Variants in TNR observed in about 807,000 individuals in gnomAD.
TNR encodes the protein tenascin-R.
A neutral mutation model predicts 150.4 loss-of-function variants in TNR; 45 were observed. The ratio of observed to expected loss-of-function variants is 0.30; its 90% CI spans 0.24 to 0.38. TNR has a LOEUF of 0.38. Ranked by LOEUF, TNR falls within the 10% of genes least tolerant of loss-of-function variation. The pLI, the probability that TNR is intolerant of heterozygous loss-of-function variation, is 1.00. For synonymous variants in TNR, 687 were observed against 678.4 expected (o/e 1.01, Z -0.20); for missense variants, 1,544 against 1,759.1 (o/e 0.88, Z 2.19).
intron 1 of TNR, among the ~76,000 whole-genome samples, chr1:175,680,732 G>A (rs903509598): frequency 1.3e-5 from 2 of 152,218 alleles, no homozygotes; most frequent in Non-Finnish European, 2.9e-5. Flanking sequence ...ATGACAGTGA[G>A]TTATAAAGGG....
At chr1:175,444,599 A>G (rs896947027) in intron 2 of TNR, among the ~76,000 whole-genome samples, 4 of 152,244 alleles carry the variant, frequency 2.6e-5, no homozygotes, top group Non-Finnish European at 5.9e-5. Context: ...TCATTCATTC[A>G]AGATGGCAAG....
chr1:175,591,362 G>A lies in TNR; in HGVS notation c.-164-62993C>T, dbSNP rs550400419. The stretch of plus-strand genomic sequence containing the variant: ...GAAATGAACCCCTCCCAGGACTGCT[G>A]TGGGATTAATAAGCCCTTGAGACCC... On this transcript the variant is annotated intron_variant, in intron 1 of 22. Transcript: ENST00000367674. Among the ~76,000 whole-genome samples the A allele has an allele frequency of 3.2e-4, 49 of 152,318 alleles. 1 individual carries two copies. The South Asian group carries it at 8.7e-3, about 27-fold the overall frequency.
chr1:175,703,380 G>A (rs1666756184), intron 1 of TNR, among the ~76,000 whole-genome samples: 1 of 152,128 alleles, frequency 6.6e-6, no homozygotes, highest in African/African-American at 2.4e-5. Context: ...CCTATACCTA[G>A]CACAGTTCTT....
chr1:175,475,808 G>A (rs1251502468), intron 2 of TNR, among the ~76,000 whole-genome samples: 9 of 151,962 alleles, frequency 5.9e-5, no homozygotes, highest in Non-Finnish European at 2.9e-5. Context: ...CTTACTTATT[G>A]TCAATACATA....
chr1:175,446,057 T>C (rs1031307974), intron 2 of TNR, among the ~76,000 whole-genome samples: 1 of 152,220 alleles, frequency 6.6e-6, no homozygotes, highest in Non-Finnish European at 1.5e-5. Flanking sequence ...GTCTAAAGAA[T>C]TGTGGCTCTT....
At chr1:175,465,215 G>A (rs148407605) in intron 2 of TNR, among the ~76,000 whole-genome samples, 72 of 152,274 alleles carry the variant, frequency 4.7e-4, no homozygotes, top group Non-Finnish European at 8.4e-4. Context: ...AAGATCTCAG[G>A]CAAGTTTCCT....
chr1:175,507,052 G>C (rs1658984589), intron 2 of TNR, among the ~76,000 whole-genome samples: 12 of 152,316 alleles, frequency 7.9e-5, no homozygotes, highest in Admixed American at 6.5e-5. Context: ...CAAGTCAGAT[G>C]GGCTGTATGT....
At chr1:175,371,068 GA>G (rs35619633) in intron 9 of TNR, among the ~76,000 whole-genome samples, 91 of 145,846 alleles carry the variant, frequency 6.2e-4, no homozygotes, top group African/African-American at 1.8e-3. Context: ...AGTTCTGCTG[GA>G]AAAAAAAAAA....
At chr1:175,553,090 C>T (rs1233345454) in intron 1 of TNR, among the ~76,000 whole-genome samples, 1 of 152,180 alleles carries the variant, frequency 6.6e-6, no homozygotes, top group African/African-American at 2.4e-5. Context: ...AAATACATCA[C>T]TGAAGATAGA....
At chr1:175,366,236 C>A (rs1651837110) in intron 10 of TNR, 98 bp from the exon 11 acceptor site, 2 of 1,312,836 alleles carry the variant, frequency 1.5e-6, no homozygotes, top group Non-Finnish European at 2.1e-6. Flanking sequence ...AGCAGGCCTG[C>A]TGACTATGAG....
At chr1:175,695,316 A>C (rs1286612305) in intron 1 of TNR, among the ~76,000 whole-genome samples, 1 of 152,216 alleles carries the variant, frequency 6.6e-6, no homozygotes, top group African/African-American at 2.4e-5. Context: ...TCCTGTACAC[A>C]GATTCTGTGG....
chr1:175,646,228 G>T (rs1323319905), intron 1 of TNR, among the ~76,000 whole-genome samples: 2 of 152,136 alleles, frequency 1.3e-5, no homozygotes, highest in Non-Finnish European at 2.9e-5. Context: ...TCTGACTCAG[G>T]TAGTCACTCT....
At chr1:175,431,560 T>G (rs1396941611) in intron 2 of TNR, among the ~76,000 whole-genome samples, 1 of 152,074 alleles carries the variant, frequency 6.6e-6, no homozygotes, top group African/African-American at 2.4e-5. Context: ...CCTAGGAAGC[T>G]CCAGAGTAAA....
intron 2 of TNR, among the ~76,000 whole-genome samples, chr1:175,523,896 T>C (rs2102172403): frequency 6.6e-6 from 1 of 152,334 alleles, no homozygotes; most frequent in South Asian, 2.1e-4. Context: ...ACTCCTTGCC[T>C]CCCTGCCATG....
At chr1:175,497,546 C>T (rs1039094567) in intron 2 of TNR, among the ~76,000 whole-genome samples, 1 of 152,156 alleles carries the variant, frequency 6.6e-6, no homozygotes, top group East Asian at 1.9e-4. Context: ...TTGTGTTTCA[C>T]GGGGCTTCTG....
intron 1 of TNR, among the ~76,000 whole-genome samples, chr1:175,667,919 A>G (rs1665579950): frequency 6.6e-6 from 1 of 152,138 alleles, no homozygotes; most frequent in South Asian, 2.1e-4. Flanking sequence ...AAGAGACACA[A>G]TCTACTCATG....
intron 2 of TNR, among the ~76,000 whole-genome samples, chr1:175,450,317 C>T (rs1299329736): frequency 6.6e-6 from 1 of 152,218 alleles, no homozygotes; most frequent in East Asian, 1.9e-4. Context: ...CAGAACCTCA[C>T]CCCTCACCTC....
chr1:175,372,475 G>A (rs1357162127), intron 9 of TNR, among the ~76,000 whole-genome samples: 1 of 152,234 alleles, frequency 6.6e-6, no homozygotes, highest in Non-Finnish European at 1.5e-5. Flanking sequence ...AAGATAGAGG[G>A]AAGGAAATAT....
At position 175,568,709 on chromosome 1, in the gene TNR, G is replaced by A. The variant is rs1661745378; in HGVS notation, c.-164-40340C>T. The stretch of plus-strand genomic sequence containing the variant: ...CTCTGTTCACGGTTTCTACTGCAAG[G>A]CACAGTGCACAGAAGAGCAATGTGC... On this transcript the variant is annotated intron_variant, in intron 1 of 22. Transcript: ENST00000367674. Among the ~76,000 whole-genome samples, 5 of 152,280 alleles carry A rather than the reference G, an allele frequency of 3.3e-5. No individual in the cohort carries two copies. In the South Asian group the frequency reaches 1.0e-3, roughly 32 times the overall value.
Sources: gnomAD v4.1 joint callset for allele counts (sites outside exome capture counted in the v4.1 genomes callset) on GRCh38, gnomAD v4.1.1 for gene constraint, MANE v1.5 for transcripts, NCBI Gene and HGNC (gene_info 2026-07-23, HGNC 2026-07-21) for gene names.